Variants in KBTBD11 observed in about 807,000 individuals in gnomAD.
The protein encoded by KBTBD11 is kelch repeat and BTB domain containing 11.
For missense variants in KBTBD11, 1,390 were observed against 1,001.8 expected, an observed-to-expected ratio of 1.39 and a Z score of -5.23; for synonymous variants, 747 against 499.0, an observed-to-expected ratio of 1.50 and a Z score of -6.63.
At chr8:1,999,112 G>T (rs534420317) in intron 1 of KBTBD11, among the ~76,000 whole-genome samples, 2 of 152,220 alleles carry the variant, frequency 1.3e-5, no homozygotes, top group East Asian at 1.9e-4. Flanking sequence ...TGCACATAGG[G>T]AGTGTGCCAA....
Position 2,001,920 on chromosome 8 carries a change from C to G in KBTBD11, c.728C>G (p.Ala243Gly). ...LANCYEVLSA[A>G]KRQRLNELRD... Reference sequence around the variant, plus strand: ...AACTGCTACGAGGTCCTGAGCGCGGCCAAGCGGCAGCGGCTGAACGAGCTG... The same window carrying G: ...AACTGCTACGAGGTCCTGAGCGCGGGCAAGCGGCAGCGGCTGAACGAGCTG... Residue 243 changes from alanine to glycine, a missense_variant, in exon 2 of 2, where the codon GCC becomes GGC. Coordinates refer to ENST00000320248, the MANE Select transcript of KBTBD11 (RefSeq NM_014867.3). 1.4e-6 allele frequency: 2 copies of G among 1,460,860 alleles called. No individual in the cohort carries two copies. Among genetic ancestry groups the G allele is most frequent in the Non-Finnish European group, 1.8e-6 (2 of 1,101,862 alleles). 90.5% of individuals were successfully genotyped at this position (1,460,860 alleles called of 1,614,324 possible).
intron 1 of KBTBD11, among the ~76,000 whole-genome samples, chr8:1,996,945 G>T (rs897682423): frequency 6.6e-6 from 1 of 152,024 alleles, no homozygotes; most frequent in Admixed American, 6.6e-5. Context: ...ATTAGCCCTT[G>T]TTCTTATGAA....
At chr8:1,997,162 A>T (rs1444619971) in intron 1 of KBTBD11, among the ~76,000 whole-genome samples, 2 of 152,214 alleles carry the variant, frequency 1.3e-5, no homozygotes, top group East Asian at 3.9e-4. Context: ...AGTTTCAGTA[A>T]TTTCACAGTA....
At chr8:1,985,947 C>A (rs994735977) in intron 1 of KBTBD11, among the ~76,000 whole-genome samples, 1 of 152,228 alleles carries the variant, frequency 6.6e-6, no homozygotes, top group Admixed American at 6.5e-5. Flanking sequence ...GGTTTTGCAT[C>A]CACACTCCCG....
At position 2,001,667 on chromosome 8, in the gene KBTBD11, G is replaced by C; in HGVS notation, c.475G>C (p.Ala159Pro). Reference protein sequence around the residue: ...RRLRAHKAVLAARSDYFRARA... With the variant: ...RRLRAHKAVLPARSDYFRARA... The stretch of plus-strand genomic sequence containing the variant: ...GCTGCGCGCGCACAAGGCGGTGCTG[G>C]CGGCGCGCAGCGACTACTTCCGCGC... The change falls in exon 2 of 2, where the codon GCG becomes CCG. Residue 159 changes from alanine to proline, a missense_variant. Coordinates refer to ENST00000320248, the MANE Select transcript of KBTBD11 (RefSeq NM_014867.3). 6.8e-7 allele frequency: 1 copy of C among 1,463,974 alleles called. No homozygotes were observed. The highest frequency in any genetic ancestry group is 9.0e-7 in the Non-Finnish European group (1 of 1,112,900). 90.7% of individuals were successfully genotyped at this position (1,463,974 alleles called of 1,614,324 possible).
chr8:1,997,000 T>C (rs1817164874), intron 1 of KBTBD11, among the ~76,000 whole-genome samples: 1 of 152,218 alleles, frequency 6.6e-6, no homozygotes, highest in South Asian at 2.1e-4. Flanking sequence ...TCACTCCCTG[T>C]CTCCCCCGCG....
At chr8:1,999,554 T>G (rs1292210570) in intron 1 of KBTBD11, among the ~76,000 whole-genome samples, 1 of 152,228 alleles carries the variant, frequency 6.6e-6, no homozygotes, top group Non-Finnish European at 1.5e-5. Context: ...TTGTATTCTA[T>G]AATGCATCTG....
intron 1 of KBTBD11, among the ~76,000 whole-genome samples, chr8:1,982,606 A>G (rs987215472): frequency 6.6e-6 from 1 of 152,222 alleles, no homozygotes; most frequent in Non-Finnish European, 1.5e-5. Context: ...AGAGGGAGCT[A>G]TGCTTATATA....
At chr8:1,993,528 T>TCCCCCCCCCCCCCCCCCCCCCCCCCC (rs1817009939) in intron 1 of KBTBD11, among the ~76,000 whole-genome samples, 1 of 41,860 alleles carries the variant, frequency 2.4e-5, no homozygotes, top group African/African-American at 6.6e-5. Context: ...CACCCATCCA[T>TCCCCCCCCCCCCCCCCCCCCCCCCCC]CCACCCACCC....
At chr8:1,982,892 A>T (rs1188113521) in intron 1 of KBTBD11, among the ~76,000 whole-genome samples, 1 of 151,946 alleles carries the variant, frequency 6.6e-6, no homozygotes, top group Non-Finnish European at 1.5e-5. Flanking sequence ...TGCCCAACTA[A>T]TTTTTGTACT....
chr8:1,975,887 G>A (rs1290123929), intron 1 of KBTBD11: 1 of 152,234 alleles, frequency 6.6e-6, no homozygotes, highest in Non-Finnish European at 1.5e-5. Context: ...GTTTCCATAT[G>A]TTCCGGTACA....
rs1173228088 is a variant in KBTBD11 at position 2,004,251 on chromosome 8, C to A, written c.*1187C>A. 2 of 166,938 alleles carry A rather than the reference C, an allele frequency of 1.2e-5. No homozygotes were observed. Among genetic ancestry groups the A allele is most frequent in the Admixed American group, 1.3e-4 (2 of 15,290 alleles). The allele number at this position is 166,938 out of a possible 1,614,324, so 10.3% of individuals were successfully genotyped here. A position where few individuals can be genotyped will look rare whatever the true frequency, so the allele number is the denominator to read the frequency against. On this transcript the variant is annotated 3_prime_UTR_variant, in exon 2 of 2. Transcript: ENST00000320248. ...AATAGAATTAACACGAGGCTCACTG[C>A]ATTGACAGGGTATGAGGATTAAAAA... is the stretch of plus-strand genomic sequence containing the variant.
chr8:2,001,464 T>TCGCGTCCCCTGAGGAGCG lies in KBTBD11; in HGVS notation c.278_295dup (p.Ser93_Ala98dup), dbSNP rs1228698871. 2 of 1,364,286 alleles carry TCGCGTCCCCTGAGGAGCG rather than the reference T, an allele frequency of 1.5e-6. No individual in the cohort carries two copies. Among genetic ancestry groups the TCGCGTCCCCTGAGGAGCG allele is most frequent in the East Asian group, 6.2e-5 (2 of 32,460 alleles). 84.5% of individuals were successfully genotyped at this position (1,364,286 alleles called of 1,614,324 possible). On this transcript the variant is annotated inframe_insertion, in exon 2 of 2. Transcript: ENST00000320248. ...GCGGGCGCCGCGTCCCCGGAGGAGC[T>TCGCGTCCCCTGAGGAGCG]CGCGTCCCCTGAGGAGCGCGCGTGC...
intron 1 of KBTBD11, among the ~76,000 whole-genome samples, chr8:1,981,500 A>G (rs1816539625): frequency 1.3e-5 from 2 of 152,254 alleles, no homozygotes; most frequent in African/African-American, 2.4e-5. Flanking sequence ...GTTAATTTCA[A>G]GGTGTCAACT....
chr8:1,992,747 A>G (rs1038427939), intron 1 of KBTBD11, among the ~76,000 whole-genome samples: 1 of 152,148 alleles, frequency 6.6e-6, no homozygotes, highest in Non-Finnish European at 1.5e-5. Context: ...TTTAGAAAAT[A>G]TTGAAACTCA....
chr8:1,974,660 C>T, intron 1 of KBTBD11: 3 of 985,356 alleles, frequency 3.0e-6, no homozygotes, highest in African/African-American at 1.7e-5. Flanking sequence ...TTGCAGCCCC[C>T]GCCCCATGTG....
rs1261597279 is a variant in KBTBD11 at position 2,003,883 on chromosome 8, C to A, written c.*819C>A. On this transcript the variant is annotated 3_prime_UTR_variant, in exon 2 of 2. Transcript: ENST00000320248. Reference sequence around the variant, plus strand: ...TAAGTAGGAAAAACTTACCAGGGTGCTTGTCTATCTAAAAAGCAATCTTTG... The same window carrying A: ...TAAGTAGGAAAAACTTACCAGGGTGATTGTCTATCTAAAAAGCAATCTTTG... The A allele has an allele frequency of 1.8e-5, 3 of 166,894 alleles. No homozygotes were observed. The highest frequency in any genetic ancestry group is 7.2e-5 in the African/African-American group (3 of 41,432). 10.3% of individuals were successfully genotyped at this position (166,894 alleles called of 1,614,324 possible). A position where few individuals can be genotyped will look rare whatever the true frequency, so the allele number is the denominator to read the frequency against.
In KBTBD11 at chr8:2,001,567, G is replaced by A. The variant is rs1817359251; in HGVS notation, c.375G>A (p.Glu125=). Residue 125 remains glutamate (E), a synonymous_variant, in exon 2 of 2, where the codon GAG becomes GAA. Transcript: ENST00000320248. ...EDPASPEEPG[E]PAPVPPGFGA... Reference sequence around the variant, plus strand: ...CCGCGTCCCCCGAGGAGCCCGGGGAGCCCGCGCCCGTACCCCCGGGGTTCG... The same window carrying A: ...CCGCGTCCCCCGAGGAGCCCGGGGAACCCGCGCCCGTACCCCCGGGGTTCG... 2.1e-6 allele frequency: 3 copies of A among 1,444,624 alleles called. No homozygotes were observed. The highest frequency in any genetic ancestry group is 2.7e-5 in the Admixed American group (1 of 37,184). 89.5% of individuals were successfully genotyped at this position (1,444,624 alleles called of 1,614,324 possible).
intron 1 of KBTBD11, among the ~76,000 whole-genome samples, chr8:1,981,185 C>T (rs1263833981): frequency 6.6e-6 from 1 of 152,118 alleles, no homozygotes; most frequent in Non-Finnish European, 1.5e-5. Context: ...TTTCTGTACC[C>T]AGAAAGGCTG....
Sources: allele counts gnomAD v4.1 joint callset (sites outside exome capture counted in the v4.1 genomes callset), GRCh38; gene constraint gnomAD v4.1.1; transcripts MANE v1.5; gene names NCBI Gene and HGNC (gene_info 2026-07-23, HGNC 2026-07-21).